Variants in NEDD9 observed in about 807,000 individuals in gnomAD.
NEDD9 encodes enhancer of filamentation 1.
NEDD9 carries 26 observed loss-of-function variants against 76.6 expected under a neutral mutation model. The ratio of observed to expected loss-of-function variants is 0.34; its 90% CI spans 0.25 to 0.47. The LOEUF is 0.47. Among genes scored for constraint, NEDD9 ranks in the 20% least tolerant of loss-of-function variants. NEDD9 has a pLI of 1.00. For missense variants in NEDD9, 937 were observed against 1,058.5 expected, an observed-to-expected ratio of 0.89 and a Z score of 1.59; for synonymous variants, 392 against 414.2, an observed-to-expected ratio of 0.95 and a Z score of 0.65.
chr6:11,309,085 T>A (rs1407150173), intron 2 of NEDD9, among the ~76,000 whole-genome samples: 3 of 152,224 alleles, frequency 2.0e-5, no homozygotes, highest in Admixed American at 2.0e-4. Context: ...TCTCTGTGCT[T>A]TACTATGTCA....
intron 1 of NEDD9, among the ~76,000 whole-genome samples, chr6:11,225,679 T>G (rs1248792920): frequency 1.3e-5 from 2 of 152,106 alleles, no homozygotes; most frequent in Non-Finnish European, 2.9e-5. Context: ...TTTTTTGTAT[T>G]TTTAGTAGAG....
chr6:11,277,757 T>C (rs892105293), intron 3 of NEDD9, among the ~76,000 whole-genome samples: 2 of 152,190 alleles, frequency 1.3e-5, no homozygotes, highest in African/African-American at 4.8e-5. Context: ...GGCAATTCTC[T>C]TTCTGATTCT....
intron 3 of NEDD9, among the ~76,000 whole-genome samples, chr6:11,295,471 C>T (rs1440663313): frequency 6.6e-6 from 1 of 152,124 alleles, no homozygotes; most frequent in African/African-American, 2.4e-5. Flanking sequence ...TGACCTGACA[C>T]CCCACTTCAG....
At chr6:11,321,357 T>A (rs956699958) in intron 2 of NEDD9, among the ~76,000 whole-genome samples, 2 of 152,120 alleles carry the variant, frequency 1.3e-5, no homozygotes, top group Non-Finnish European at 2.9e-5. Context: ...CTGAATTCCC[T>A]GCGCATAGTG....
rs560635097 is a variant in NEDD9 at position 11,304,482 on chromosome 6, T to C, written c.12+1510A>G. 1.8e-4 allele frequency among the ~76,000 whole-genome samples: 27 copies of C among 152,332 alleles called. 1 individual carries two copies. In the East Asian group the frequency reaches 5.2e-3, roughly 29 times the overall value. On this transcript the variant is annotated intron_variant, in intron 3 of 3. Transcript: ENST00000397378. ...TATATACCCAAAGGATTATAAATCA[T>C]GCTACTATAAGGACACATGCACACG...
At chr6:11,294,766 T>C (rs1760853563) in intron 3 of NEDD9, among the ~76,000 whole-genome samples, 1 of 152,178 alleles carries the variant, frequency 6.6e-6, no homozygotes, top group Admixed American at 6.5e-5. Context: ...TAAGATGATA[T>C]CTCATTATGG....
At chr6:11,214,240 T>C (rs752006965) in intron 1 of NEDD9, 2 of 515,298 alleles carry the variant, frequency 3.9e-6, no homozygotes, top group African/African-American at 1.9e-5. Flanking sequence ...CACATATATA[T>C]GCCTTGGCAG....
intron 2 of NEDD9, chr6:11,306,196 GAAAAAAATT>G: frequency 1.5e-6 from 1 of 655,062 alleles, no homozygotes; most frequent in Non-Finnish European, 2.6e-6. Flanking sequence ...GGTAAGATCT[GAAAAAAATT>G]GAGATGCTTT....
intron 2 of NEDD9, among the ~76,000 whole-genome samples, chr6:11,321,874 T>A (rs1754269154): frequency 1.3e-5 from 2 of 152,228 alleles, no homozygotes; most frequent in Admixed American, 1.3e-4. Context: ...AAATGCAATG[T>A]TAGTGGGCTA....
intron 1 of NEDD9, among the ~76,000 whole-genome samples, chr6:11,345,349 TTGG>T (rs1242157641): frequency 2.0e-5 from 3 of 152,260 alleles, no homozygotes; most frequent in Admixed American, 2.0e-4. Context: ...GTGTCTTGTT[TTGG>T]GCAGTGTGAG....
At chr6:11,226,974 C>T (rs1383386764) in intron 1 of NEDD9, among the ~76,000 whole-genome samples, 1 of 152,010 alleles carries the variant, frequency 6.6e-6, no homozygotes, top group Non-Finnish European at 1.5e-5. Flanking sequence ...GAAACAAAGC[C>T]CATGTTTTTT....
chr6:11,291,017 T>C (rs538457533), intron 3 of NEDD9, among the ~76,000 whole-genome samples: 2 of 152,004 alleles, frequency 1.3e-5, no homozygotes, highest in Admixed American at 6.6e-5. Context: ...GTGTTTCACA[T>C]GCTGGAAGTG....
chr6:11,205,078 T>A (rs967660000), intron 2 of NEDD9, among the ~76,000 whole-genome samples: 2 of 152,214 alleles, frequency 1.3e-5, no homozygotes, highest in African/African-American at 4.8e-5. Context: ...CTTGGCAATA[T>A]CATCCTTCAG....
At chr6:11,274,180 T>C (rs1011189412) in intron 3 of NEDD9, among the ~76,000 whole-genome samples, 1 of 152,220 alleles carries the variant, frequency 6.6e-6, no homozygotes, top group Non-Finnish European at 1.5e-5. Context: ...CATATCTCAA[T>C]TTCCAAGTTT....
Position 11,185,582 on chromosome 6 carries a change from G to A in NEDD9, c.2085C>T (p.Thr695=). The A allele has an allele frequency of 6.2e-7, 1 of 1,614,234 alleles. No homozygotes were observed. The highest frequency in any genetic ancestry group is 8.5e-7 in the Non-Finnish European group (1 of 1,180,040). Residue 695 remains threonine (T), a synonymous_variant, in exon 7 of 7, where the codon ACC becomes ACT. Transcript: ENST00000379446. ...SKWKPSQSLP[T]TNSGVSAQDR... ...CCTGAGCACTCACGCCACTGTTTGT[G>A]GTGGGTAGGCTCTGAGAGGGCTTCC...
At chr6:11,379,011 G>A (rs1030816043) in intron 1 of NEDD9, among the ~76,000 whole-genome samples, 1 of 152,178 alleles carries the variant, frequency 6.6e-6, no homozygotes, top group African/African-American at 2.4e-5. Flanking sequence ...AGCCACTGTG[G>A]GCAAAGTGAA....
Position 11,311,482 on chromosome 6 carries a change from G to T in NEDD9, c.-152-5327C>A, listed in dbSNP as rs143413738. ...TTCTGTTTAAGCCCTGCAGTCTGTG[G>T]TGCTTTGTGACAGCATCCCTGGGAA... is the stretch of plus-strand genomic sequence containing the variant. On this transcript the variant is annotated intron_variant, in intron 2 of 3. Transcript: ENST00000397378. Among the ~76,000 whole-genome samples, 13 of 152,308 alleles carry T rather than the reference G, an allele frequency of 8.5e-5. No homozygotes were observed. The East Asian group carries it at 2.5e-3, about 29-fold the overall frequency.
At chr6:11,283,199 C>T (rs188232622) in intron 3 of NEDD9, among the ~76,000 whole-genome samples, 67 of 152,336 alleles carry the variant, frequency 4.4e-4, no homozygotes, top group Admixed American at 2.6e-3. Flanking sequence ...ACTAGCATTC[C>T]TGGCATTCTC....
intron 2 of NEDD9, among the ~76,000 whole-genome samples, chr6:11,331,407 G>A (rs1762035386): frequency 6.6e-6 from 1 of 152,002 alleles, no homozygotes; most frequent in Non-Finnish European, 1.5e-5. Context: ...CAGGAAGGTA[G>A]ATAAATTTAA....
Sources: gnomAD v4.1 joint callset for allele counts (sites outside exome capture counted in the v4.1 genomes callset) on GRCh38, gnomAD v4.1.1 for gene constraint, MANE v1.5 for transcripts, NCBI Gene and HGNC (gene_info 2026-07-23, HGNC 2026-07-21) for gene names.